The following SCLT1 variants were observed in gnomAD, a reference collection of about 807,000 sequenced individuals.
The protein encoded by SCLT1 is sodium channel and clathrin linker 1.
In SCLT1, 78 loss-of-function variants were observed where a neutral mutation model predicts 112.8. That is an observed-to-expected ratio of 0.69 (90% CI 0.58 to 0.83). The LOEUF is 0.83. SCLT1 is among the 40% of genes least tolerant of loss of function. SCLT1 has a pLI of 0.00. For synonymous variants in SCLT1, 257 were observed against 254.7 expected (o/e 1.01, Z -0.09); for missense variants, 747 against 770.4 (o/e 0.97, Z 0.36).
intron 2 of SCLT1, among the ~76,000 whole-genome samples, chr4:129,055,708 C>T (rs760995268): frequency 2.0e-5 from 3 of 151,998 alleles, no homozygotes; most frequent in Admixed American, 6.6e-5. Context: ...GCTTGCTGGT[C>T]TCCATGGGAG....
At chr4:129,070,334 C>T (rs371632784) in intron 2 of SCLT1, among the ~76,000 whole-genome samples, 36 of 151,872 alleles carry the variant, frequency 2.4e-4, no homozygotes, top group Non-Finnish European at 4.9e-4. Flanking sequence ...AGTATTGGCA[C>T]CAATTCTTCT....
intron 3 of SCLT1, among the ~76,000 whole-genome samples, chr4:128,877,079 T>A (rs1372067857): frequency 6.6e-6 from 1 of 152,234 alleles, no homozygotes; most frequent in Non-Finnish European, 1.5e-5. Context: ...GCCAATGGTA[T>A]CTCCATAGTG....
chr4:128,973,029 C>T (rs1330496062), intron 9 of SCLT1, among the ~76,000 whole-genome samples: 2 of 152,120 alleles, frequency 1.3e-5, no homozygotes, highest in Admixed American at 6.5e-5. Flanking sequence ...AAAGTACTCA[C>T]TCGCTGTTTT....
chr4:128,968,686 C>T (rs1740418330), intron 10 of SCLT1, among the ~76,000 whole-genome samples: 2 of 151,918 alleles, frequency 1.3e-5, no homozygotes, highest in Admixed American at 6.6e-5. Context: ...TACTCTGTTT[C>T]GTTCTTTTGA....
intron 8 of SCLT1, among the ~76,000 whole-genome samples, chr4:128,995,717 T>C (rs1742958460): frequency 1.3e-5 from 2 of 152,002 alleles, no homozygotes; most frequent in African/African-American, 2.4e-5. Flanking sequence ...AACTATAGCA[T>C]GTATCAGCCC....
chr4:129,028,871 T>A (rs1177453343), intron 5 of SCLT1, among the ~76,000 whole-genome samples: 30 of 149,796 alleles, frequency 2.0e-4, no homozygotes, highest in Admixed American at 1.0e-3. Flanking sequence ...GCAAAGGACA[T>A]GAACAGACAT....
chr4:129,079,437 C>T (rs995779430), intron 2 of SCLT1, among the ~76,000 whole-genome samples: 5 of 152,268 alleles, frequency 3.3e-5, no homozygotes, highest in East Asian at 1.9e-4. Flanking sequence ...CTACAGGCCG[C>T]GGGGCATGTC....
intron 4 of SCLT1, among the ~76,000 whole-genome samples, chr4:128,875,404 C>T (rs1239840619): frequency 1.3e-5 from 2 of 152,134 alleles, no homozygotes; most frequent in African/African-American, 2.4e-5. Flanking sequence ...ACTCTGATGG[C>T]GAGACTGAAA....
At chr4:129,038,263 A>T (rs148818138) in intron 5 of SCLT1, 4 of 154,022 alleles carry the variant, frequency 2.6e-5, no homozygotes, top group Admixed American at 6.5e-5. Flanking sequence ...ATATAGATCA[A>T]TATAAACTCA....
In SCLT1 at chr4:128,936,644, A is replaced by G. The variant is rs780106434; in HGVS notation, c.1829+11T>C. The G allele has an allele frequency of 2.0e-6, 3 of 1,530,286 alleles. No individual in the cohort carries two copies. Among genetic ancestry groups the G allele is most frequent in the Admixed American group, 3.8e-5 (2 of 52,790 alleles). 94.8% of individuals were successfully genotyped at this position (1,530,286 alleles called of 1,614,324 possible). On this transcript the variant is annotated intron_variant, in intron 18 of 20. Coordinates refer to ENST00000281142, the MANE Select transcript of SCLT1 (RefSeq NM_144643.4). ...CTGTAAAACATGTCAAACAACTAAC[A>G]GTAGACTTACTTTAGATTATTGATT...
At chr4:129,043,170 C>G (rs1010224594) in intron 4 of SCLT1, among the ~76,000 whole-genome samples, 1 of 152,050 alleles carries the variant, frequency 6.6e-6, no homozygotes, top group African/African-American at 2.4e-5. Context: ...TCTCAGCCTC[C>G]CAAAGTGCTG....
At chr4:128,944,218 T>C (rs1737951217) in intron 16 of SCLT1, among the ~76,000 whole-genome samples, 2 of 152,188 alleles carry the variant, frequency 1.3e-5, no homozygotes, top group Non-Finnish European at 1.5e-5. Context: ...TAGTCTTTTT[T>C]CTGTCTAAAC....
intron 1 of SCLT1, among the ~76,000 whole-genome samples, chr4:129,091,066 A>G (rs183217645): frequency 1.2e-3 from 178 of 152,306 alleles, no homozygotes; most frequent in African/African-American, 4.2e-3. Context: ...GTGTAGAAAA[A>G]GTCAGAGGCA....
At chr4:129,070,251 T>C (rs1001173946) in intron 2 of SCLT1, among the ~76,000 whole-genome samples, 1 of 152,156 alleles carries the variant, frequency 6.6e-6, no homozygotes, top group African/African-American at 2.4e-5. Context: ...GTTTTGATAA[T>C]AGTGTGATGC....
rs115856712 is a variant in SCLT1, at chr4:129,003,855, A to T, written c.312T>A (p.Asp104Glu). ...AGGCCTCCAATTTTTTTTCAACAGC[A>T]TCTTTTAATTCACTGTGCAACCTTT... ...ENERLHSELK[D>E]AVEKKLEAFP... Residue 104 changes from aspartate (D) to glutamate (E), a missense_variant, in exon 6 of 21, where the codon GAT becomes GAA. Physicochemically the swap from Asp to Glu is conservative, Grantham distance 45. Coordinates refer to ENST00000281142, the MANE Select transcript of SCLT1 (RefSeq NM_144643.4). The T allele has an allele frequency of 6.5e-3, 10,463 of 1,612,140 alleles. 52 individuals carry two copies. The highest frequency in any genetic ancestry group is 8.1e-3 in the Non-Finnish European group (9,504 of 1,178,998).
At chr4:128,926,961 C>A (rs1736348336) in intron 18 of SCLT1, among the ~76,000 whole-genome samples, 1 of 149,672 alleles carries the variant, frequency 6.7e-6, no homozygotes, top group African/African-American at 2.5e-5. Flanking sequence ...AATTAATTTC[C>A]AAATATTGGG....
intron 5 of SCLT1, among the ~76,000 whole-genome samples, chr4:129,018,831 C>T (rs987159330): frequency 3.9e-5 from 6 of 152,034 alleles, no homozygotes; most frequent in African/African-American, 1.4e-4. Flanking sequence ...AAGGGAGCTT[C>T]TATTATATGT....
At chr4:128,976,295 T>A (rs1490912843) in intron 9 of SCLT1, among the ~76,000 whole-genome samples, 1 of 152,228 alleles carries the variant, frequency 6.6e-6, no homozygotes, top group East Asian at 1.9e-4. Flanking sequence ...TTCTGATGTA[T>A]ATTCACTGTC....
downstream of SCLT1, among the ~76,000 whole-genome samples, chr4:128,882,500 G>A (rs1178548003): frequency 6.6e-6 from 1 of 151,924 alleles, no homozygotes; most frequent in Non-Finnish European, 1.5e-5. Context: ...TGACATCTTT[G>A]TGAGTTCATT....
Sources: allele counts gnomAD v4.1 joint callset (sites outside exome capture counted in the v4.1 genomes callset), GRCh38; gene constraint gnomAD v4.1.1; transcripts MANE v1.5; gene names NCBI Gene and HGNC (gene_info 2026-07-23, HGNC 2026-07-21).